VPS35L: variants seen among roughly 807,000 people sequenced by gnomAD.
VPS35L encodes VPS35 endosomal protein-sorting factor-like.
In VPS35L, 83 loss-of-function variants were observed where a neutral mutation model predicts 133.0. The ratio of observed to expected loss-of-function variants is 0.62; its 90% CI spans 0.52 to 0.75. VPS35L has a LOEUF of 0.75. VPS35L is among the 30% of genes least tolerant of loss of function. VPS35L has a pLI of 0.00. For missense variants in VPS35L, 1,083 were observed against 1,206.8 expected, an observed-to-expected ratio of 0.90 and a Z score of 1.52; for synonymous variants, 423 against 449.9, an observed-to-expected ratio of 0.94 and a Z score of 0.76.
At chr16:19,637,524 A>G (rs1238914308) in intron 19 of VPS35L, 70 bp from the exon 20 acceptor site, 5 of 1,202,900 alleles carry the variant, frequency 4.2e-6, no homozygotes, top group African/African-American at 1.6e-5. Flanking sequence ...TCCTGAGAGA[A>G]TGTAAACCAG....
At chr16:19,691,019 A>C (rs892933960) in intron 28 of VPS35L, among the ~76,000 whole-genome samples, 9 of 151,736 alleles carry the variant, frequency 5.9e-5, no homozygotes, top group Admixed American at 2.6e-4. Flanking sequence ...GTTGTGGGGG[A>C]CTCTGCAATA....
intron 5 of VPS35L, chr16:19,578,293 T>C (rs756487919): frequency 2.2e-6 from 1 of 447,428 alleles, no homozygotes. Flanking sequence ...TTTCTTTTTT[T>C]TTTTTTTGAG....
chr16:19,564,203 A>G (rs1182506089), intron 1 of VPS35L, among the ~76,000 whole-genome samples: 1 of 151,670 alleles, frequency 6.6e-6, no homozygotes, highest in Non-Finnish European at 1.5e-5. Flanking sequence ...TCAGCCTCCC[A>G]AGTAGCTGGG....
intron 9 of VPS35L, among the ~76,000 whole-genome samples, chr16:19,601,950 G>C (rs572100842): frequency 1.3e-5 from 2 of 152,130 alleles, no homozygotes; most frequent in African/African-American, 4.8e-5. Flanking sequence ...ATCTGCAAAG[G>C]CCTCACAGTT....
In VPS35L at chr16:19,644,903, A is replaced by G. The variant is rs771544834; in HGVS notation, c.1883A>G (p.Asp628Gly). Residue 628 changes from aspartate (D) to glycine (G), a missense_variant, in exon 23 of 31, where the codon GAT (aspartate) becomes GGT (glycine). Coordinates refer to ENST00000417362, the MANE Select transcript of VPS35L (RefSeq NM_020314.7). Reference sequence around the variant, plus strand: ...GATTTTAGTGCACTCACTCTTGAGGATGAGAAAAGAATGCTGTCATATTTG... The same window carrying G: ...GATTTTAGTGCACTCACTCTTGAGGGTGAGAAAAGAATGCTGTCATATTTG... ...HDSVNALTLE[D>G]EKRMLSYLIN... 1 of 1,601,204 alleles carries G rather than the reference A, an allele frequency of 6.2e-7. No homozygotes were observed. Among genetic ancestry groups the G allele is most frequent in the Admixed American group, 1.7e-5 (1 of 59,788 alleles).
At chr16:19,600,286 A>T (rs1409657212) in intron 8 of VPS35L, among the ~76,000 whole-genome samples, 3 of 152,150 alleles carry the variant, frequency 2.0e-5, no homozygotes, top group Non-Finnish European at 4.4e-5. Flanking sequence ...TCATAGAGGG[A>T]AATACTTTCA....
chr16:19,558,585 C>G (rs558837547), intron 1 of VPS35L, among the ~76,000 whole-genome samples: 1 of 152,262 alleles, frequency 6.6e-6, no homozygotes, highest in Admixed American at 6.5e-5. Context: ...TACCCTAGAT[C>G]ACATTTTCCG....
At chr16:19,610,545 G>T (rs1034922812) in intron 12 of VPS35L, 130 bp downstream of exon 12, 3 of 567,596 alleles carry the variant, frequency 5.3e-6, no homozygotes, top group Non-Finnish European at 8.9e-6. Context: ...GCTAATTTTA[G>T]ATCATGGCTC....
chr16:19,644,425 A>G (rs2151580609), intron 22 of VPS35L, among the ~76,000 whole-genome samples: 1 of 152,152 alleles, frequency 6.6e-6, no homozygotes, highest in East Asian at 1.9e-4. Context: ...TTTGGGGAGA[A>G]CGGGGTCTCG....
chr16:19,645,350 C>T (rs1973908731), intron 23 of VPS35L, among the ~76,000 whole-genome samples: 1 of 148,502 alleles, frequency 6.7e-6, no homozygotes, highest in Non-Finnish European at 1.5e-5. Flanking sequence ...AGTGCAGTGG[C>T]GCGATCTCAG....
At chr16:19,564,145 C>A (rs1184218374) in intron 1 of VPS35L, among the ~76,000 whole-genome samples, 4 of 152,118 alleles carry the variant, frequency 2.6e-5, no homozygotes, top group Non-Finnish European at 5.9e-5. Context: ...GTGGCATGAT[C>A]TCAGCTTACT....
chr16:19,607,242 G>A (rs1299697086), intron 9 of VPS35L, among the ~76,000 whole-genome samples: 4 of 152,198 alleles, frequency 2.6e-5, no homozygotes, highest in African/African-American at 7.2e-5. Context: ...GGTCAGGGCC[G>A]ATGGGCCAGC....
intron 27 of VPS35L, among the ~76,000 whole-genome samples, chr16:19,679,665 C>A (rs141452239): frequency 2.1e-4 from 32 of 151,828 alleles, no homozygotes; most frequent in African/African-American, 7.5e-4. Flanking sequence ...CCACCACACC[C>A]GGCTAATTTT....
chr16:19,586,984 G>A (rs1222382199), intron 7 of VPS35L, among the ~76,000 whole-genome samples: 11 of 152,206 alleles, frequency 7.2e-5, no homozygotes, highest in Admixed American at 7.2e-4. Flanking sequence ...TTGACTCACA[G>A]TTCTGCAGGC....
At chr16:19,591,745 C>G (rs369260119) in intron 7 of VPS35L, 45 bp from the exon 8 acceptor site, 2 of 1,435,166 alleles carry the variant, frequency 1.4e-6, no homozygotes, top group African/African-American at 2.8e-5. Flanking sequence ...CCTACCCATA[C>G]CAGACATGCC....
At chr16:19,567,627 C>T (rs1036045368) in intron 2 of VPS35L, among the ~76,000 whole-genome samples, 4 of 152,060 alleles carry the variant, frequency 2.6e-5, no homozygotes, top group South Asian at 2.1e-4. Context: ...AGGCAGCCAT[C>T]GCCGGCAGTT....
chr16:19,671,574 C>T (rs1405971448), intron 27 of VPS35L, among the ~76,000 whole-genome samples: 8 of 146,554 alleles, frequency 5.5e-5, no homozygotes, highest in South Asian at 2.2e-4. Context: ...GTCAGGTGTT[C>T]GAGACCAGCC....
At chr16:19,612,611 G>T (rs1194360938) in intron 12 of VPS35L, among the ~76,000 whole-genome samples, 2 of 152,166 alleles carry the variant, frequency 1.3e-5, no homozygotes, top group Non-Finnish European at 2.9e-5. Flanking sequence ...CAAATGCTTT[G>T]AACACACCTT....
chr16:19,663,849 T>G (rs1041509689), intron 26 of VPS35L, among the ~76,000 whole-genome samples: 2 of 152,172 alleles, frequency 1.3e-5, no homozygotes, highest in South Asian at 4.2e-4. Context: ...CCTAGCATCT[T>G]CAGCTAAGCC....
Sources: allele counts gnomAD v4.1 joint callset (sites outside exome capture counted in the v4.1 genomes callset), GRCh38; gene constraint gnomAD v4.1.1; transcripts MANE v1.5; gene names NCBI Gene and HGNC (gene_info 2026-07-23, HGNC 2026-07-21).